Variants in ST6GALNAC3 observed in about 807,000 individuals in gnomAD.
The protein encoded by ST6GALNAC3 is ST6 N-acetylgalactosaminide alpha-2,6-sialyltransferase 3.
In ST6GALNAC3, 25 loss-of-function variants were observed where a neutral mutation model predicts 32.7. That is an observed-to-expected ratio of 0.76 (90% CI 0.56 to 1.07). The LOEUF (loss-of-function observed/expected upper bound fraction) is 1.07, where lower values mean the gene tolerates loss of function less well. Among genes scored for constraint, ST6GALNAC3 ranks in the 50% least tolerant of loss-of-function variants. ST6GALNAC3 has a pLI of 0.00. For synonymous variants in ST6GALNAC3, 129 were observed against 133.1 expected (o/e 0.97, Z 0.21); for missense variants, 355 against 382.4 (o/e 0.93, Z 0.60).
chr1:76,172,846 G>T (rs1308972166), intron 1 of ST6GALNAC3, among the ~76,000 whole-genome samples: 3 of 151,966 alleles, frequency 2.0e-5, no homozygotes, highest in Admixed American at 6.6e-5. Context: ...GGACACAAAC[G>T]AATGGAAAAA....
At chr1:76,413,064 T>C (rs963288578) in intron 3 of ST6GALNAC3, 4 of 299,540 alleles carry the variant, frequency 1.3e-5, no homozygotes, top group Non-Finnish European at 2.7e-5. Context: ...TACATCCATG[T>C]TTTTTCTGTA....
At chr1:76,331,851 A>G (rs1356347003) in intron 2 of ST6GALNAC3, among the ~76,000 whole-genome samples, 2 of 152,178 alleles carry the variant, frequency 1.3e-5, no homozygotes, top group Non-Finnish European at 2.9e-5. Flanking sequence ...TAATTACCCT[A>G]CTTGCCAGTG....
At chr1:76,391,003 G>A (rs986150661) in intron 2 of ST6GALNAC3, among the ~76,000 whole-genome samples, 3 of 147,788 alleles carry the variant, frequency 2.0e-5, no homozygotes, top group African/African-American at 7.4e-5. Context: ...GCAGTGGCAC[G>A]ATCTTGGCTC....
chr1:76,088,530 G>T (rs1216864529), intron 1 of ST6GALNAC3, among the ~76,000 whole-genome samples: 1 of 152,168 alleles, frequency 6.6e-6, no homozygotes, highest in African/African-American at 2.4e-5. Flanking sequence ...TGTGGAGCTG[G>T]TGTTGAGCCT....
chr1:76,612,151 A>T lies in ST6GALNAC3; in HGVS notation c.624-15301A>T, dbSNP rs139486043. Among the ~76,000 whole-genome samples the T allele has an allele frequency of 4.3e-3, 653 of 152,256 alleles. 6 individuals carry two copies. Among genetic ancestry groups the T allele is most frequent in the African/African-American group, 0.015 (625 of 41,538 alleles). On this transcript the variant is annotated intron_variant, in intron 3 of 4. Transcript: ENST00000328299. ...GCCTCCCCTTTTTGTGATTGTATAG[A>T]ATATGCCAACATTTTGAAGGGACAT...
At chr1:76,203,250 C>A (rs546378503) in intron 1 of ST6GALNAC3, among the ~76,000 whole-genome samples, 1 of 152,106 alleles carries the variant, frequency 6.6e-6, no homozygotes, top group Non-Finnish European at 1.5e-5. Context: ...TCAGAATCTG[C>A]GCAGGGGGTG....
chr1:76,143,908 C>T (rs1650504365), intron 1 of ST6GALNAC3, among the ~76,000 whole-genome samples: 1 of 152,130 alleles, frequency 6.6e-6, no homozygotes, highest in Non-Finnish European at 1.5e-5. Context: ...GTCTTAAGCC[C>T]ACTGGACCAC....
At chr1:76,154,927 T>G (rs1345236703) in intron 1 of ST6GALNAC3, among the ~76,000 whole-genome samples, 2 of 152,226 alleles carry the variant, frequency 1.3e-5, no homozygotes, top group East Asian at 1.9e-4. Flanking sequence ...GGGGTCAGTT[T>G]CTTGGCCCTT....
rs143639410 is a variant in ST6GALNAC3 at position 76,264,539 on chromosome 1, C to T, written c.19-49266C>T. Among the ~76,000 whole-genome samples the T allele has an allele frequency of 1.6e-3, 238 of 152,118 alleles. 1 individual carries two copies. The Middle Eastern group carries it at 0.02, about 13-fold the overall frequency. ...CAAATGTCTCTTTCTGTGAGGTGCTCGGCGTACCTTGCAGGAATCGCTTAC... is the reference window on the plus strand; with the variant it reads ...CAAATGTCTCTTTCTGTGAGGTGCTTGGCGTACCTTGCAGGAATCGCTTAC... On this transcript the variant is annotated intron_variant, in intron 1 of 4. Coordinates refer to ENST00000328299, the MANE Select transcript of ST6GALNAC3 (RefSeq NM_152996.4).
intron 3 of ST6GALNAC3, among the ~76,000 whole-genome samples, chr1:76,534,933 CATCAGGTATCTTCTCTGG>C (rs1378944918): frequency 6.6e-6 from 1 of 152,172 alleles, no homozygotes; most frequent in African/African-American, 2.4e-5. Context: ...ACACTGAGCA[CATCAGGTATCTTCTCTGG>C]ATCTTGGTTT....
At chr1:76,261,758 C>G (rs144989676) in intron 1 of ST6GALNAC3, among the ~76,000 whole-genome samples, 2 of 152,170 alleles carry the variant, frequency 1.3e-5, no homozygotes, top group African/African-American at 4.8e-5. Flanking sequence ...TGGGAGCTCT[C>G]TGAGGGCCCT....
intron 1 of ST6GALNAC3, among the ~76,000 whole-genome samples, chr1:76,214,995 C>T (rs1655375812): frequency 6.6e-6 from 1 of 152,144 alleles, no homozygotes; most frequent in African/African-American, 2.4e-5. Context: ...ATAGGGTGCT[C>T]ATATCAAATA....
intron 3 of ST6GALNAC3, among the ~76,000 whole-genome samples, chr1:76,426,072 C>A (rs1355021517): frequency 6.6e-6 from 1 of 151,760 alleles, no homozygotes; most frequent in East Asian, 1.9e-4. Context: ...ATGACTTTTG[C>A]CCCATTTTCT....
intron 3 of ST6GALNAC3, among the ~76,000 whole-genome samples, chr1:76,586,803 G>A (rs1646968555): frequency 6.6e-6 from 1 of 152,180 alleles, no homozygotes; most frequent in South Asian, 2.1e-4. Context: ...GGAATAAAAA[G>A]TAACTACATG....
At chr1:76,134,870 C>T (rs1010944210) in intron 1 of ST6GALNAC3, among the ~76,000 whole-genome samples, 13 of 152,174 alleles carry the variant, frequency 8.5e-5, no homozygotes, top group African/African-American at 2.2e-4. Flanking sequence ...TGGCCAGGTG[C>T]GGTGGCTCAC....
chr1:76,076,270 G>C (rs765548281), intron 1 of ST6GALNAC3, among the ~76,000 whole-genome samples: 3 of 152,082 alleles, frequency 2.0e-5, no homozygotes, highest in Non-Finnish European at 4.4e-5. Flanking sequence ...TTCTGTTTTG[G>C]TTTCTCCCCT....
intron 2 of ST6GALNAC3, among the ~76,000 whole-genome samples, chr1:76,335,430 A>AAC (rs60059592): frequency 0.37 from 54,445 of 145,192 alleles, 11,614 homozygotes; most frequent in East Asian, 0.78. Flanking sequence ...CATCACAGGG[A>AAC]ACACACACAC....
intron 3 of ST6GALNAC3, among the ~76,000 whole-genome samples, chr1:76,417,638 T>C (rs1654736771): frequency 6.6e-6 from 1 of 152,180 alleles, no homozygotes; most frequent in Admixed American, 6.6e-5. Flanking sequence ...TTCCTATGGG[T>C]AGGTGGGCAA....
At chr1:76,369,711 C>T (rs184080846) in intron 2 of ST6GALNAC3, among the ~76,000 whole-genome samples, 2 of 152,072 alleles carry the variant, frequency 1.3e-5, no homozygotes, top group African/African-American at 4.8e-5. Context: ...ATCTCAGAAA[C>T]TAGGAAAAAA....
Sources: allele counts gnomAD v4.1 joint callset (sites outside exome capture counted in the v4.1 genomes callset), GRCh38; gene constraint gnomAD v4.1.1; transcripts MANE v1.5; gene names NCBI Gene and HGNC (gene_info 2026-07-23, HGNC 2026-07-21).